The following DCC variants were observed in gnomAD, a reference collection of about 807,000 sequenced individuals.
DCC encodes netrin receptor DCC.
Under a neutral mutation model 172.5 loss-of-function variants are expected in DCC, and 58 were observed. That is an observed-to-expected ratio of 0.34 (90% CI 0.27 to 0.42). DCC has a LOEUF of 0.42. Ranked by LOEUF, DCC falls within the 10% of genes least tolerant of loss-of-function variation. The pLI, the probability that DCC is intolerant of heterozygous loss-of-function variation, is 1.00. For synonymous variants in DCC, 709 were observed against 644.5 expected (o/e 1.10, Z -1.52); for missense variants, 1,740 against 1,791.0 (o/e 0.97, Z 0.51).
intron 7 of DCC, among the ~76,000 whole-genome samples, chr18:53,139,414 T>C (rs1407459122): frequency 6.6e-6 from 1 of 152,200 alleles, no homozygotes; most frequent in Non-Finnish European, 1.5e-5. Context: ...AAAGGAAGGA[T>C]AAAGTGTCCA....
chr18:52,794,281 T>G (rs1376182614), intron 2 of DCC, among the ~76,000 whole-genome samples: 3 of 152,140 alleles, frequency 2.0e-5, no homozygotes, highest in African/African-American at 7.2e-5. Context: ...TATTGATTCC[T>G]TCAATCTTTG....
At chr18:52,550,152 C>T (rs1482677910) in intron 1 of DCC, among the ~76,000 whole-genome samples, 1 of 151,784 alleles carries the variant, frequency 6.6e-6, no homozygotes, top group African/African-American at 2.4e-5. Flanking sequence ...AAAAAAACAT[C>T]GCCCAAACAT....
intron 1 of DCC, among the ~76,000 whole-genome samples, chr18:52,377,192 G>C (rs1411324617): frequency 6.6e-6 from 1 of 152,116 alleles, no homozygotes; most frequent in Non-Finnish European, 1.5e-5. Context: ...TAAATTAGCT[G>C]CTGATGAATA....
At chr18:53,238,009 T>C (rs1825225567) in intron 12 of DCC, among the ~76,000 whole-genome samples, 1 of 152,196 alleles carries the variant, frequency 6.6e-6, no homozygotes, top group South Asian at 2.1e-4. Context: ...TTTAAACCTA[T>C]TACTTTCTAA....
intron 15 of DCC, among the ~76,000 whole-genome samples, chr18:53,355,680 T>G (rs549165824): frequency 6.6e-6 from 1 of 152,304 alleles, no homozygotes; most frequent in East Asian, 1.9e-4. Context: ...GCTGAGACAA[T>G]GGGGTTTTCT....
chr18:53,374,444 G>T (rs943757305), intron 15 of DCC, among the ~76,000 whole-genome samples: 3 of 152,162 alleles, frequency 2.0e-5, no homozygotes, highest in African/African-American at 7.2e-5. Context: ...TGTATTATTT[G>T]TGTGAGCATC....
At chr18:52,939,153 A>G (rs913138460) in intron 5 of DCC, among the ~76,000 whole-genome samples, 9 of 152,154 alleles carry the variant, frequency 5.9e-5, no homozygotes, top group East Asian at 3.9e-4. Flanking sequence ...GGATCTATCA[A>G]TATAGCTCCT....
chr18:52,794,037 T>C (rs768187663), intron 2 of DCC, among the ~76,000 whole-genome samples: 2 of 152,226 alleles, frequency 1.3e-5, no homozygotes, highest in Non-Finnish European at 2.9e-5. Context: ...TCTAATACCA[T>C]ACTGTTTTGG....
chr18:53,121,073 G>A (rs1049559056), intron 7 of DCC, among the ~76,000 whole-genome samples: 5 of 151,838 alleles, frequency 3.3e-5, no homozygotes, highest in African/African-American at 4.8e-5. Context: ...GTAGATTGCT[G>A]TGAAATCTGG....
chr18:52,884,146 T>C (rs1201980137), intron 2 of DCC, among the ~76,000 whole-genome samples: 5 of 152,090 alleles, frequency 3.3e-5, no homozygotes, highest in African/African-American at 1.2e-4. Context: ...TTATCCTTGA[T>C]CTTTGGGAGT....
chr18:52,972,994 C>A (rs1465795504), intron 5 of DCC, among the ~76,000 whole-genome samples: 1 of 152,170 alleles, frequency 6.6e-6, no homozygotes, highest in Non-Finnish European at 1.5e-5. Flanking sequence ...GAAATGGGTT[C>A]ATTGCCAACA....
intron 2 of DCC, among the ~76,000 whole-genome samples, chr18:52,894,619 C>A (rs2039701694): frequency 6.6e-6 from 1 of 151,812 alleles, no homozygotes; most frequent in South Asian, 2.1e-4. Context: ...CTATAATTGG[C>A]AAGCTGGAGA....
chr18:52,906,404 G>T lies in DCC; in HGVS notation c.697+76G>T, dbSNP rs565051112. ...TGAAAAACAATTTTTTTCTTTAACA[G>T]ATATTTGTAATTGTTATAAGTTCTG... On this transcript the variant is annotated intron_variant, in intron 3 of 28. Transcript: ENST00000442544. The T allele has an allele frequency of 2.1e-5, 31 of 1,444,832 alleles. No homozygotes were observed. The African/African-American group carries it at 3.8e-4, about 18-fold the overall frequency. The allele number at this position is 1,444,832 out of a possible 1,614,324, so 89.5% of individuals were successfully genotyped here.
chr18:53,412,163 TA>T (rs1014397961), intron 20 of DCC, among the ~76,000 whole-genome samples: 5 of 152,236 alleles, frequency 3.3e-5, no homozygotes, highest in African/African-American at 1.2e-4. Context: ...TCTAGAAAAC[TA>T]AGAACAAGTT....
intron 12 of DCC, among the ~76,000 whole-genome samples, chr18:53,299,597 T>C (rs1285796829): frequency 6.6e-6 from 1 of 152,250 alleles, no homozygotes; most frequent in Non-Finnish European, 1.5e-5. Context: ...CTTAGCATGT[T>C]GTTTTTTCAT....
At chr18:52,843,574 A>C (rs1006794270) in intron 2 of DCC, among the ~76,000 whole-genome samples, 1 of 152,182 alleles carries the variant, frequency 6.6e-6, no homozygotes, top group Non-Finnish European at 1.5e-5. Flanking sequence ...GTGTGCAATA[A>C]CTCTTAATGC....
intron 16 of DCC, among the ~76,000 whole-genome samples, chr18:53,389,571 C>G (rs948498596): frequency 6.6e-6 from 1 of 152,112 alleles, no homozygotes; most frequent in Non-Finnish European, 1.5e-5. Flanking sequence ...GGTCATTGTA[C>G]TAGCACAGCT....
chr18:52,349,005 T>A (rs1357958964), intron 1 of DCC, among the ~76,000 whole-genome samples: 1 of 152,152 alleles, frequency 6.6e-6, no homozygotes, highest in Non-Finnish European at 1.5e-5. Context: ...AACTAAAGGA[T>A]AACAGAAACA....
chr18:53,355,596 C>T (rs575780085), intron 15 of DCC, among the ~76,000 whole-genome samples: 2 of 152,206 alleles, frequency 1.3e-5, no homozygotes, highest in South Asian at 4.1e-4. Flanking sequence ...TATAAGAATG[C>T]TCGCGATTTT....
Sources: gnomAD v4.1 joint callset for allele counts (sites outside exome capture counted in the v4.1 genomes callset) on GRCh38, gnomAD v4.1.1 for gene constraint, MANE v1.5 for transcripts, NCBI Gene and HGNC (gene_info 2026-07-23, HGNC 2026-07-21) for gene names.